Variants in MAPK10 observed in about 807,000 individuals in gnomAD.
The protein encoded by MAPK10 is mitogen-activated protein kinase 10, also known as JNK3 alpha protein kinase.
In MAPK10, 25 loss-of-function variants were observed where a neutral mutation model predicts 59.3. The observed-to-expected ratio is 0.42, with a 90% CI of 0.31 to 0.59. The LOEUF (loss-of-function observed/expected upper bound fraction) is 0.59. Among genes scored for constraint, MAPK10 ranks in the 20% least tolerant of loss-of-function variants. The pLI, the probability that MAPK10 is intolerant of heterozygous loss-of-function variation, is 0.15. For synonymous variants in MAPK10, 190 were observed against 200.5 expected (o/e 0.95, Z 0.44); for missense variants, 351 against 568.9 (o/e 0.62, Z 3.90).
Position 86,017,255 on chromosome 4 carries a change from C to T in MAPK10, c.1368G>A (p.Ser456=), listed in dbSNP as rs189486762. 41 of 1,614,080 alleles carry T rather than the reference C, an allele frequency of 2.5e-5. No individual in the cohort carries two copies. The East Asian group carries it at 6.0e-4, about 24-fold the overall frequency. ...ACCTGCAACAACCCAGGGGTCCTGC[C>T]GAGGCTTCCAGGCTGCTGTCAGTGT... ...ASDTDSSLEA[S]AGPLGCCR is the part of the protein sequence containing the mutation. The change falls in exon 14 of 14, where the codon TCG becomes TCA. Residue 456 remains serine (S), a synonymous_variant. Coordinates refer to ENST00000641462, the MANE Select transcript of MAPK10 (RefSeq NM_138982.4). The surrounding 1 kb of genome is among the most constrained non-coding windows in gnomAD (Gnocchi z 4.4).
intron 1 of MAPK10, among the ~76,000 whole-genome samples, chr4:86,471,609 T>A (rs953417304): frequency 6.6e-6 from 1 of 152,236 alleles, no homozygotes; most frequent in Non-Finnish European, 1.5e-5. Context: ...ACATTTACCA[T>A]GTTATCACTG....
Position 86,139,236 on chromosome 4 carries a change from G to C in MAPK10, c.236+20062C>G, listed in dbSNP as rs576915457. On this transcript the variant is annotated intron_variant, in intron 4 of 13. Transcript: ENST00000641462. ...GCCCGCATCGCCAAGTCAATCCTAAGCCAAAAGAACAAAGCTGGAGGCATC... is the reference window on the plus strand; with the variant it reads ...GCCCGCATCGCCAAGTCAATCCTAACCCAAAAGAACAAAGCTGGAGGCATC... Among the ~76,000 whole-genome samples the C allele has an allele frequency of 4.9e-3, 726 of 147,962 alleles. 22 individuals are homozygous for C. The highest frequency in any genetic ancestry group is 0.044 in the Admixed American group (655 of 14,886).
intron 2 of MAPK10, among the ~76,000 whole-genome samples, chr4:86,331,890 A>G (rs1188543885): frequency 6.6e-6 from 1 of 152,206 alleles, no homozygotes; most frequent in Non-Finnish European, 1.5e-5. Context: ...GAAGGAAAAA[A>G]AAAGCTGTAC....
chr4:86,114,643 T>C (rs115386966), intron 4 of MAPK10, among the ~76,000 whole-genome samples: 3,586 of 151,120 alleles, frequency 0.024, 144 homozygotes, highest in African/African-American at 0.082. Context: ...TGTTGGGAGG[T>C]CTCACTCAGT....
At chr4:86,131,063 G>A (rs1382386405) in intron 4 of MAPK10, among the ~76,000 whole-genome samples, 2 of 152,194 alleles carry the variant, frequency 1.3e-5, no homozygotes, top group African/African-American at 4.8e-5. Context: ...GCAGTATAAG[G>A]AGGGAAATGA....
chr4:86,242,037 TTGG>T (rs1216126239), intron 2 of MAPK10, among the ~76,000 whole-genome samples: 2 of 151,884 alleles, frequency 1.3e-5, no homozygotes, highest in African/African-American at 2.4e-5. Flanking sequence ...TTTGTTGTTG[TTGG>T]TGGTGGTGGT....
At chr4:86,549,019 T>G (rs1759542128) in intron 1 of MAPK10, among the ~76,000 whole-genome samples, 1 of 152,190 alleles carries the variant, frequency 6.6e-6, no homozygotes, top group African/African-American at 2.4e-5. Context: ...CACTGTTTAT[T>G]TCATGGAATA....
At chr4:86,487,392 G>A (rs1754088067) in intron 1 of MAPK10, among the ~76,000 whole-genome samples, 3 of 121,444 alleles carry the variant, frequency 2.5e-5, no homozygotes, top group Admixed American at 1.8e-4. Flanking sequence ...TGTAGAGAGA[G>A]AAAGAAGGAG....
intron 2 of MAPK10, among the ~76,000 whole-genome samples, chr4:86,342,938 G>A (rs1725871247): frequency 6.6e-6 from 1 of 152,054 alleles, no homozygotes; most frequent in African/African-American, 2.4e-5. Context: ...AAAAGGAGAG[G>A]TTCTTCATCA....
At chr4:86,499,240 A>G (rs1368948772) in intron 1 of MAPK10, among the ~76,000 whole-genome samples, 2 of 152,228 alleles carry the variant, frequency 1.3e-5, no homozygotes, top group Non-Finnish European at 2.9e-5. Flanking sequence ...AAAAAGTTAT[A>G]CAAAAGGAAA....
intron 1 of MAPK10, among the ~76,000 whole-genome samples, chr4:86,359,035 G>A (rs1057491057): frequency 6.6e-6 from 1 of 151,958 alleles, no homozygotes; most frequent in Non-Finnish European, 1.5e-5. Flanking sequence ...TTAGCCTAGA[G>A]TTGCTCTGCA....
chr4:86,560,871 G>A (rs866911334), intron 1 of MAPK10, among the ~76,000 whole-genome samples: 2 of 152,220 alleles, frequency 1.3e-5, no homozygotes, highest in Middle Eastern at 3.2e-3. Flanking sequence ...TTAATGAGCT[G>A]TGCAAGGAAT....
intron 1 of MAPK10, among the ~76,000 whole-genome samples, chr4:86,440,505 C>T (rs751714093): frequency 6.6e-6 from 1 of 151,834 alleles, no homozygotes; most frequent in Non-Finnish European, 1.5e-5. Flanking sequence ...GTGGCACATG[C>T]CTGTAGTCTC....
intron 4 of MAPK10, among the ~76,000 whole-genome samples, chr4:86,133,845 C>T (rs537764136): frequency 6.6e-6 from 1 of 152,148 alleles, no homozygotes; most frequent in African/African-American, 2.4e-5. Context: ...GCTAGAGATT[C>T]TTTGCTTAAA....
chr4:86,214,354 A>G (rs1257222959), intron 2 of MAPK10, among the ~76,000 whole-genome samples: 1 of 152,012 alleles, frequency 6.6e-6, no homozygotes, highest in African/African-American at 2.4e-5. Flanking sequence ...TACACCTTCT[A>G]TTCAACAAAT....
intron 2 of MAPK10, among the ~76,000 whole-genome samples, chr4:86,294,709 C>T (rs768222781): frequency 3.3e-5 from 5 of 152,156 alleles, no homozygotes; most frequent in Non-Finnish European, 5.9e-5. Flanking sequence ...GCTCAGTGGT[C>T]TCATGGCTTC....
intron 1 of MAPK10, among the ~76,000 whole-genome samples, chr4:86,458,922 T>C (rs1386262845): frequency 6.6e-6 from 1 of 152,240 alleles, no homozygotes; most frequent in Non-Finnish European, 1.5e-5. Flanking sequence ...AGCTGGGACT[T>C]AAACAAAAGA....
chr4:86,564,621 T>C (rs777387283), intron 1 of MAPK10, among the ~76,000 whole-genome samples: 1 of 152,276 alleles, frequency 6.6e-6, no homozygotes, highest in Admixed American at 6.5e-5. Context: ...CACTCTCCAC[T>C]CTGCAATGGA....
chr4:86,277,644 A>C (rs549182811), intron 2 of MAPK10, among the ~76,000 whole-genome samples: 17 of 152,278 alleles, frequency 1.1e-4, no homozygotes, highest in African/African-American at 3.4e-4. Flanking sequence ...TTGCAAGCAA[A>C]GTTACACAGA....
Sources: allele counts gnomAD v4.1 joint callset (sites outside exome capture counted in the v4.1 genomes callset), GRCh38; gene constraint gnomAD v4.1.1; non-coding constraint Gnocchi (gnomAD v3.1); transcripts MANE v1.5; gene names NCBI Gene and HGNC (gene_info 2026-07-23, HGNC 2026-07-21).